Variants in GLIS1 observed in about 807,000 individuals in gnomAD.
GLIS1 encodes GLIS family zinc finger 1, also known as zinc finger protein GLIS1.
In GLIS1, 24 loss-of-function variants were observed where a neutral mutation model predicts 63.8. The observed-to-expected ratio is 0.38, with a 90% confidence interval of 0.27 to 0.53. The LOEUF is 0.53. GLIS1 is among the 20% of genes least tolerant of loss of function. The pLI is 0.85. For missense variants in GLIS1, 1,036 were observed against 1,074.1 expected (o/e 0.96, Z 0.50); for synonymous variants, 450 against 482.5 (o/e 0.93, Z 0.88).
rs1569877273 is a variant in GLIS1 at position 53,591,244 on chromosome 1, T to G, written c.1320+2864A>C. On this transcript the variant is annotated intron_variant, in intron 4 of 10. Transcript: ENST00000628545. ...CTGGGTGCTGGTTGAGGCCCACCCC[T>G]TCCCCTGGGTTACCCACTGTGCCAG... Among the ~76,000 whole-genome samples the G allele has an allele frequency of 3.9e-5, 6 of 152,280 alleles. 1 individual carries two copies. The South Asian group carries it at 1.2e-3, about 32-fold the overall frequency.
Position 53,506,515 on chromosome 1 carries a change from C to G in GLIS1, c.*104G>C. 8.0e-7 allele frequency: 1 copy of G among 1,253,612 alleles called. No individual in the cohort carries two copies. Among genetic ancestry groups the G allele is most frequent in the Non-Finnish European group, 1.1e-6 (1 of 882,470 alleles). The allele number at this position is 1,253,612 out of a possible 1,614,324, so 77.7% of individuals were successfully genotyped here. On this transcript the variant is annotated 3_prime_UTR_variant, in exon 11 of 11. Transcript: ENST00000628545. ...CTGGGTCATGGCCTGGCTGTTCCGG[C>G]TGTGGCCTGGCACTCCTGCTAGGTG...
At chr1:53,727,494 T>G (rs558661850) in intron 2 of GLIS1, among the ~76,000 whole-genome samples, 4 of 152,250 alleles carry the variant, frequency 2.6e-5, no homozygotes, top group Non-Finnish European at 4.4e-5. Flanking sequence ...CACTCGTAGC[T>G]GCTCTTTAAG....
At chr1:53,569,817 TA>T (rs1278848847) in intron 4 of GLIS1, among the ~76,000 whole-genome samples, 4 of 151,610 alleles carry the variant, frequency 2.6e-5, no homozygotes, top group Non-Finnish European at 4.4e-5. Flanking sequence ...AAAAAGTAAT[TA>T]AAAAAGATAA....
At chr1:53,652,234 G>T (rs1645916770) in intron 2 of GLIS1, among the ~76,000 whole-genome samples, 1 of 152,198 alleles carries the variant, frequency 6.6e-6, no homozygotes, top group Admixed American at 6.5e-5. Flanking sequence ...CAAAGGTTGG[G>T]CCCCTTTCTT....
chr1:53,652,382 A>T (rs1645918598), intron 2 of GLIS1, among the ~76,000 whole-genome samples: 1 of 152,096 alleles, frequency 6.6e-6, no homozygotes, highest in Admixed American at 6.5e-5. Context: ...TCTCAGGCCC[A>T]GGGGTGAGTC....
intron 7 of GLIS1, among the ~76,000 whole-genome samples, chr1:53,515,120 T>TG (rs1447449322): frequency 5.4e-5 from 7 of 130,522 alleles, no homozygotes; most frequent in African/African-American, 1.9e-4. Flanking sequence ...TGTGTGTGTG[T>TG]TCTGAGATGG....
chr1:53,628,232 C>A (rs1645616191), intron 2 of GLIS1, among the ~76,000 whole-genome samples: 1 of 152,194 alleles, frequency 6.6e-6, no homozygotes, highest in Admixed American at 6.5e-5. Context: ...GCCTGGGTCT[C>A]TGATCTCAAT....
At chr1:53,509,308 G>A (rs1644272371) in intron 9 of GLIS1, 21 bp from the exon 10 acceptor site, 3 of 1,547,530 alleles carry the variant, frequency 1.9e-6, no homozygotes, top group South Asian at 1.2e-5. Flanking sequence ...GGGTAGCAGG[G>A]GCCGCGTTCA....
At position 53,514,607 on chromosome 1, in the gene GLIS1, C is replaced by T. The variant is rs781773692; in HGVS notation, c.1883+18G>A. 11 of 1,608,784 alleles carry T rather than the reference C, an allele frequency of 6.8e-6. No homozygotes were observed. The highest frequency in any genetic ancestry group is 9.3e-6 in the Non-Finnish European group (11 of 1,177,770). ...CCCCCTTGTTGCCCCTGGAGGAGGA[C>T]TGGCCTGGTGTACATACCCATCCCG... On this transcript the variant is annotated intron_variant, in intron 8 of 10. Coordinates refer to ENST00000628545, the MANE Select transcript of GLIS1 (RefSeq NM_001367484.1).
intron 2 of GLIS1, among the ~76,000 whole-genome samples, chr1:53,674,175 A>G (rs1359650449): frequency 6.7e-6 from 1 of 150,220 alleles, no homozygotes; most frequent in South Asian, 2.1e-4. Context: ...CTGTCTCAAA[A>G]AAAAAAAAAA....
intron 2 of GLIS1, among the ~76,000 whole-genome samples, chr1:53,702,361 C>T (rs1646532680): frequency 6.6e-6 from 1 of 152,232 alleles, no homozygotes; most frequent in Admixed American, 6.5e-5. Flanking sequence ...ACAGAAAGTG[C>T]TCAGAACAGT....
chr1:53,707,982 C>G (rs1168999689), intron 2 of GLIS1, among the ~76,000 whole-genome samples: 1 of 151,594 alleles, frequency 6.6e-6, no homozygotes, highest in Non-Finnish European at 1.5e-5. Flanking sequence ...CTCCCCAGAG[C>G]TCTGAAAGGA....
intron 2 of GLIS1, among the ~76,000 whole-genome samples, chr1:53,685,957 C>T (rs1270953202): frequency 1.3e-5 from 2 of 152,212 alleles, no homozygotes; most frequent in South Asian, 4.1e-4. Flanking sequence ...CACTCCCTCT[C>T]ATGCATGGGT....
chr1:53,704,683 G>A (rs1396552761), intron 2 of GLIS1, among the ~76,000 whole-genome samples: 2 of 152,222 alleles, frequency 1.3e-5, no homozygotes, highest in Non-Finnish European at 2.9e-5. Flanking sequence ...TCCAAGGGAA[G>A]CCGGAGGACA....
At chr1:53,667,195 T>G (rs1476002398) in intron 2 of GLIS1, among the ~76,000 whole-genome samples, 1 of 152,250 alleles carries the variant, frequency 6.6e-6, no homozygotes, top group Non-Finnish European at 1.5e-5. Flanking sequence ...GAGCTTCCCC[T>G]GCAAGGCCAC....
intron 2 of GLIS1, among the ~76,000 whole-genome samples, chr1:53,724,758 A>G (rs1646788831): frequency 6.6e-6 from 1 of 152,206 alleles, no homozygotes; most frequent in Non-Finnish European, 1.5e-5. Context: ...GGCTTCAAGC[A>G]ATCCTCCTGG....
intron 3 of GLIS1, among the ~76,000 whole-genome samples, chr1:53,595,595 G>A (rs1246657448): frequency 6.6e-6 from 1 of 152,158 alleles, no homozygotes; most frequent in Non-Finnish European, 1.5e-5. Flanking sequence ...TTCCCAGGGG[G>A]CTGCCCTGCT....
intron 4 of GLIS1, among the ~76,000 whole-genome samples, chr1:53,576,940 C>T (rs557873328): frequency 6.6e-6 from 1 of 152,226 alleles, no homozygotes; most frequent in South Asian, 2.1e-4. Flanking sequence ...GTTCCCTCTG[C>T]TTCCACCAAA....
chr1:53,694,255 G>A (rs1002990975), intron 2 of GLIS1, among the ~76,000 whole-genome samples: 3 of 152,114 alleles, frequency 2.0e-5, no homozygotes, highest in African/African-American at 4.8e-5. Context: ...CGGCAGGGGC[G>A]CTGGGGGAGG....
Sources: allele counts gnomAD v4.1 joint callset (sites outside exome capture counted in the v4.1 genomes callset), GRCh38; gene constraint gnomAD v4.1.1; transcripts MANE v1.5; gene names NCBI Gene and HGNC (gene_info 2026-07-23, HGNC 2026-07-21).